The following ZNF722 variants were observed in gnomAD, a reference collection of about 807,000 sequenced individuals.
ZNF722 encodes zinc finger protein 722.
At chr7:64,001,893 T>C in the ZNF722 span, among the ~76,000 whole-genome samples, 1 of 152,082 alleles carries the variant, frequency 6.6e-6, no homozygotes, top group Non-Finnish European at 1.5e-5. Flanking sequence ...TATATATATA[T>C]ATATTTTTAA....
chr7:64,012,717 G>A, the ZNF722 span, among the ~76,000 whole-genome samples: 5 of 152,252 alleles, frequency 3.3e-5, no homozygotes, highest in South Asian at 1.0e-3. Context: ...TTCTGTACAT[G>A]TCTGTTTAGC....
the ZNF722 span, among the ~76,000 whole-genome samples, chr7:64,000,791 G>A: frequency 9.3e-5 from 14 of 149,982 alleles, no homozygotes; most frequent in East Asian, 2.2e-3. Flanking sequence ...CGGGGGGAGC[G>A]GGAGCAGGAC....
the ZNF722 span, among the ~76,000 whole-genome samples, chr7:64,017,253 G>A: frequency 3.9e-5 from 6 of 152,202 alleles, 1 homozygote; most frequent in Admixed American, 6.5e-5. Context: ...GTGTGGTGGC[G>A]TGTGCCTGTA....
At chr7:64,010,437 G>C in the ZNF722 span, among the ~76,000 whole-genome samples, 3 of 152,248 alleles carry the variant, frequency 2.0e-5, no homozygotes, top group Non-Finnish European at 4.4e-5. Context: ...ATTCTGGTAT[G>C]TTGTGTCTTT....
chr7:63,999,013 T>C, the ZNF722 span: 1 of 1,576,936 alleles, frequency 6.3e-7, no homozygotes, highest in Non-Finnish European at 8.7e-7. Context: ...GAGTGCTGGG[T>C]CTGTCATCGT....
chr7:63,999,177 C>T, the ZNF722 span, among the ~76,000 whole-genome samples: 3,026 of 152,264 alleles, frequency 0.02, 114 homozygotes, highest in African/African-American at 0.069. Context: ...CCTGGGCCAG[C>T]GGCTGGGACC....
At chr7:63,998,884 T>C in the ZNF722 span, 1 of 1,484,420 alleles carries the variant, frequency 6.7e-7, no homozygotes, top group Non-Finnish European at 9.3e-7. Flanking sequence ...CTCCAGTTCT[T>C]TTCTTCAGGG....
chr7:64,005,321 A>G, the ZNF722 span, among the ~76,000 whole-genome samples: 1 of 152,160 alleles, frequency 6.6e-6, no homozygotes, highest in Non-Finnish European at 1.5e-5. Flanking sequence ...GAAAAGAAAA[A>G]TAGAAAAAAA....
At chr7:64,004,425 A>AAAT in the ZNF722 span, among the ~76,000 whole-genome samples, 2,324 of 60,948 alleles carry the variant, frequency 0.038, 72 homozygotes, top group South Asian at 0.048. Flanking sequence ...AAAAAAAAAA[A>AAAT]ATATATATAT....
the ZNF722 span, among the ~76,000 whole-genome samples, chr7:64,000,075 T>C: frequency 6.6e-6 from 1 of 151,924 alleles, no homozygotes; most frequent in African/African-American, 2.4e-5. Flanking sequence ...AATTACCTAC[T>C]GTTTAAATAT....
the ZNF722 span, chr7:64,015,002 TA>T: frequency 7.9e-7 from 1 of 1,263,568 alleles, no homozygotes; most frequent in Non-Finnish European, 1.1e-6. Context: ...GTAAGTGGAG[TA>T]ACTTGTGATT....
chr7:64,005,631 A>G, the ZNF722 span: 1 of 1,231,116 alleles, frequency 8.1e-7, no homozygotes, highest in Non-Finnish European at 1.2e-6. Context: ...ACATTCAGAG[A>G]CATAGCTATA....
chr7:64,006,181 A>T, the ZNF722 span: 1 of 1,058,184 alleles, frequency 9.5e-7, no homozygotes. Flanking sequence ...GTAATTAAAG[A>T]ATTCAGCAAG....
chr7:64,007,254 A>G, the ZNF722 span, among the ~76,000 whole-genome samples: 2 of 146,350 alleles, frequency 1.4e-5, no homozygotes, highest in Non-Finnish European at 3.0e-5. Context: ...ATATATATAT[A>G]TTTATACTTT....
the ZNF722 span, chr7:64,015,609 T>C: frequency 5.6e-6 from 9 of 1,613,728 alleles, no homozygotes; most frequent in Admixed American, 1.7e-5. Context: ...TAGGCGCTCC[T>C]CAACACTTAC....
At chr7:63,999,960 C>G in the ZNF722 span, among the ~76,000 whole-genome samples, 1 of 151,988 alleles carries the variant, frequency 6.6e-6, no homozygotes, top group African/African-American at 2.4e-5. Context: ...CCTCCCAAAG[C>G]ATTTGCATTA....
the ZNF722 span, among the ~76,000 whole-genome samples, chr7:64,017,282 G>A: frequency 2.0e-5 from 3 of 152,156 alleles, no homozygotes; most frequent in African/African-American, 7.2e-5. Context: ...TACTTGGGAG[G>A]CTGAGGCAGG....
chr7:64,007,256 T>TATATATATATA, the ZNF722 span, among the ~76,000 whole-genome samples: 1 of 121,390 alleles, frequency 8.2e-6, no homozygotes, highest in African/African-American at 4.1e-5. Context: ...ATATATATAT[T>TATATATATATA]TATACTTTAA....
chr7:64,008,229 C>T, the ZNF722 span, among the ~76,000 whole-genome samples: 5 of 152,252 alleles, frequency 3.3e-5, no homozygotes, highest in Non-Finnish European at 4.4e-5. Context: ...CTTTGCTGTG[C>T]AGAAGCTCTT....
Sources: gnomAD v4.1 joint callset for allele counts (sites outside exome capture counted in the v4.1 genomes callset) on GRCh38, gnomAD v4.1.1 for gene constraint, MANE v1.5 for transcripts, NCBI Gene and HGNC (gene_info 2026-07-23, HGNC 2026-07-21) for gene names.